Variants in ATRNL1 observed in about 807,000 individuals in gnomAD.
The protein encoded by ATRNL1 is attractin-like protein 1.
ATRNL1 carries 95 observed loss-of-function variants against 182.7 expected under a neutral mutation model. That is an observed-to-expected ratio of 0.52 (90% confidence interval 0.44 to 0.62). The LOEUF (loss-of-function observed/expected upper bound fraction) is 0.62, where lower values mean the gene tolerates loss of function less well. Ranked by LOEUF, ATRNL1 falls within the 20% of genes least tolerant of loss-of-function variation. ATRNL1 has a pLI of 0.00. For synonymous variants in ATRNL1, 576 were observed against 568.3 expected, an observed-to-expected ratio of 1.01 and a Z score of -0.19; for missense variants, 1,471 against 1,679.5, an observed-to-expected ratio of 0.88 and a Z score of 2.17.
chr10:115,701,615 A>T (rs1555051543), intron 26 of ATRNL1, among the ~76,000 whole-genome samples: 3 of 152,016 alleles, frequency 2.0e-5, no homozygotes, highest in Non-Finnish European at 4.4e-5. Context: ...ATCAAAGATG[A>T]TATTACAGCC....
chr10:115,516,095 C>T (rs550604513), intron 24 of ATRNL1, among the ~76,000 whole-genome samples: 2 of 151,766 alleles, frequency 1.3e-5, no homozygotes, highest in Non-Finnish European at 2.9e-5. Context: ...TAAATCTAAC[C>T]TTTCCTGTGA....
intron 26 of ATRNL1, among the ~76,000 whole-genome samples, chr10:115,596,843 G>T (rs1856273103): frequency 6.6e-6 from 1 of 152,056 alleles, no homozygotes; most frequent in Admixed American, 6.6e-5. Flanking sequence ...ATTCATAAAT[G>T]TGAGACATCA....
At chr10:115,411,288 TTTTAA>T (rs1845129502) in intron 20 of ATRNL1, among the ~76,000 whole-genome samples, 1 of 150,974 alleles carries the variant, frequency 6.6e-6, no homozygotes, top group African/African-American at 2.4e-5. Context: ...AAATTTAAAA[TTTTAA>T]TTTAAACATT....
intron 12 of ATRNL1, among the ~76,000 whole-genome samples, chr10:115,267,630 A>G (rs1195725266): frequency 6.7e-6 from 1 of 148,594 alleles, no homozygotes; most frequent in East Asian, 1.9e-4. Flanking sequence ...ACTAATCTAT[A>G]TTAATTCAGA....
intron 27 of ATRNL1, among the ~76,000 whole-genome samples, chr10:115,754,531 A>T (rs2134128676): frequency 6.6e-6 from 1 of 152,204 alleles, no homozygotes; most frequent in East Asian, 1.9e-4. Flanking sequence ...ACATTGGTTT[A>T]TATATCTGTT....
chr10:115,860,496 T>A (rs1951289107), intron 28 of ATRNL1, among the ~76,000 whole-genome samples: 1 of 152,166 alleles, frequency 6.6e-6, no homozygotes, highest in South Asian at 2.1e-4. Context: ...AAGGAAGCTG[T>A]TGTCCATATT....
At chr10:115,119,983 A>G (rs1212072388) in intron 1 of ATRNL1, among the ~76,000 whole-genome samples, 2 of 152,150 alleles carry the variant, frequency 1.3e-5, no homozygotes, top group African/African-American at 4.8e-5. Context: ...TAAGATTTAA[A>G]GAAATCCAAA....
chr10:115,872,772 C>T (rs1270442325), intron 28 of ATRNL1, among the ~76,000 whole-genome samples: 1 of 152,218 alleles, frequency 6.6e-6, no homozygotes, highest in Non-Finnish European at 1.5e-5. Flanking sequence ...AGAGAAAGAG[C>T]AACTGTAAAT....
intron 19 of ATRNL1, among the ~76,000 whole-genome samples, chr10:115,355,914 T>C (rs1384107314): frequency 6.6e-6 from 1 of 152,128 alleles, no homozygotes; most frequent in Non-Finnish European, 1.5e-5. Flanking sequence ...AGTGATAAAC[T>C]TTAATTTTTC....
At chr10:115,933,272 C>A (rs2134599022) in intron 28 of ATRNL1, among the ~76,000 whole-genome samples, 1 of 152,358 alleles carries the variant, frequency 6.6e-6, no homozygotes, top group South Asian at 2.1e-4. Context: ...GAGTCAGCTT[C>A]TTCACTAGTG....
intron 26 of ATRNL1, among the ~76,000 whole-genome samples, chr10:115,558,067 A>AAC (rs373624221): frequency 1.0e-3 from 150 of 145,974 alleles, no homozygotes; most frequent in African/African-American, 3.5e-3. Context: ...CAAAAAAACA[A>AAC]AAAAAAAAAA....
At chr10:115,869,847 A>C (rs1349089346) in intron 28 of ATRNL1, among the ~76,000 whole-genome samples, 5 of 151,994 alleles carry the variant, frequency 3.3e-5, no homozygotes, top group Admixed American at 1.3e-4. Context: ...GTATTTCTCC[A>C]TGTCATTAAA....
At chr10:115,920,564 A>G (rs1297601218) in intron 28 of ATRNL1, among the ~76,000 whole-genome samples, 1 of 152,226 alleles carries the variant, frequency 6.6e-6, no homozygotes, top group East Asian at 1.9e-4. Context: ...ATCTAGCCAG[A>G]TCTGGCATGA....
rs563825789 is a variant in ATRNL1, at chr10:115,865,975, AT to A, written c.4018+17992del. Among the ~76,000 whole-genome samples, 752 of 151,968 alleles carry A rather than the reference AT, an allele frequency of 4.9e-3. 6 individuals carry two copies. Among genetic ancestry groups the A allele is most frequent in the African/African-American group, 0.017 (719 of 41,434 alleles). On this transcript the variant is annotated intron_variant, in intron 28 of 28. Coordinates refer to ENST00000355044, the MANE Select transcript of ATRNL1 (RefSeq NM_207303.4). ...ATAGTGACTTTTAAATAGTTTGTGG[AT>A]TTTTTTTCTCTAATTCTGCCTATCA...
chr10:115,530,957 CTCA>C (rs1565136496), intron 25 of ATRNL1, among the ~76,000 whole-genome samples: 2 of 152,108 alleles, frequency 1.3e-5, no homozygotes, highest in Admixed American at 6.6e-5. Flanking sequence ...AGGGCATGAA[CTCA>C]TCATTTTTAT....
Position 115,932,179 on chromosome 10 carries a change from A to C in ATRNL1, c.4019-12479A>C, listed in dbSNP as rs1011259592. 5.3e-5 allele frequency among the ~76,000 whole-genome samples: 8 copies of C among 152,334 alleles called. No individual in the cohort carries two copies. The South Asian group carries it at 1.5e-3, about 28-fold the overall frequency. ...ATGGGATATACTCAGTCAGATTCTC[A>C]AAATTGCTTCAGAGAATCCTCTGTT... On this transcript the variant is annotated intron_variant, in intron 28 of 28. Coordinates refer to ENST00000355044, the MANE Select transcript of ATRNL1 (RefSeq NM_207303.4).
chr10:115,769,375 G>T (rs1436881827), intron 27 of ATRNL1, among the ~76,000 whole-genome samples: 1 of 152,252 alleles, frequency 6.6e-6, no homozygotes, highest in East Asian at 1.9e-4. Context: ...CAACAACACT[G>T]TGGGCTCAGA....
At chr10:115,429,264 T>C (rs2134405843) in intron 21 of ATRNL1, among the ~76,000 whole-genome samples, 1 of 152,302 alleles carries the variant, frequency 6.6e-6, no homozygotes, top group East Asian at 1.9e-4. Context: ...ATTGATCTTA[T>C]ATTCATTAAC....
chr10:115,830,593 A>G (rs1950537098), intron 27 of ATRNL1, among the ~76,000 whole-genome samples: 1 of 152,062 alleles, frequency 6.6e-6, no homozygotes, highest in South Asian at 2.1e-4. Context: ...GTGTGTTCAG[A>G]TGTAGATCCT....
Sources: gnomAD v4.1 joint callset for allele counts (sites outside exome capture counted in the v4.1 genomes callset) on GRCh38, gnomAD v4.1.1 for gene constraint, MANE v1.5 for transcripts, NCBI Gene and HGNC (gene_info 2026-07-23, HGNC 2026-07-21) for gene names.